Variants in DPYSL5 observed in about 807,000 individuals in gnomAD.
The protein encoded by DPYSL5 is dihydropyrimidinase-related protein 5.
In DPYSL5, 9 loss-of-function variants were observed where a neutral mutation model predicts 58.4. That is an observed-to-expected ratio of 0.15 (90% CI 0.09 to 0.27). The LOEUF is 0.27. Among genes scored for constraint, DPYSL5 ranks in the 10% least tolerant of loss-of-function variants. DPYSL5 has a pLI of 1.00. For synonymous variants in DPYSL5, 293 were observed against 301.9 expected, an observed-to-expected ratio of 0.97 and a Z score of 0.31; for missense variants, 499 against 770.6, an observed-to-expected ratio of 0.65 and a Z score of 4.17.
chr2:26,885,631 A>G (rs1663698406), intron 1 of DPYSL5, among the ~76,000 whole-genome samples: 1 of 152,188 alleles, frequency 6.6e-6, no homozygotes, highest in Admixed American at 6.5e-5. Context: ...GTGGCTGTGG[A>G]CAAGGACCCA....
chr2:26,899,592 A>T (rs946246437), intron 2 of DPYSL5, among the ~76,000 whole-genome samples: 2 of 152,094 alleles, frequency 1.3e-5, no homozygotes, highest in African/African-American at 4.8e-5. Context: ...GCTGTCCCGT[A>T]AGTGTGCAGG....
intron 8 of DPYSL5, 44 bp from the exon 9 acceptor site, chr2:26,939,987 T>C: frequency 6.2e-7 from 1 of 1,612,032 alleles, no homozygotes; most frequent in Non-Finnish European, 8.5e-7. Context: ...TCTAAGTTCC[T>C]CACCTCCCCT....
At chr2:26,872,190 G>C (rs1047590460) in intron 1 of DPYSL5, among the ~76,000 whole-genome samples, 1 of 152,226 alleles carries the variant, frequency 6.6e-6, no homozygotes, top group Non-Finnish European at 1.5e-5. Flanking sequence ...AGAGCAGGGA[G>C]CATGAGTCTG....
At chr2:26,890,278 G>A (rs955356990) in intron 1 of DPYSL5, among the ~76,000 whole-genome samples, 2 of 152,194 alleles carry the variant, frequency 1.3e-5, no homozygotes, top group Non-Finnish European at 2.9e-5. Context: ...AGCAGGGCCT[G>A]TGGTTTTTTC....
At position 26,934,698 on chromosome 2, in the gene DPYSL5, C is replaced by G. The variant is rs752166244; in HGVS notation, c.911C>G (p.Thr304Ser). The G allele has an allele frequency of 6.2e-7, 1 of 1,614,178 alleles. No individual in the cohort carries two copies. Residue 304 changes from threonine to serine, a missense_variant, in exon 8 of 13, where the codon ACC becomes AGC. Thr to Ser is a moderately conservative substitution (Grantham distance 58). Coordinates refer to ENST00000288699, the MANE Select transcript of DPYSL5 (RefSeq NM_020134.4). This position sits in a 1 kb window ranked among gnomAD's most constrained non-coding sequence, Gnocchi z 4.3. ...YVTVPPLRLD[T>S]NTSTYLMSLL... ...ACGGTGCCTCCCCTGAGACTGGACA[C>G]CAACACCTCAACCTACCTCATGAGC...
chr2:26,942,739 CAG>C lies in DPYSL5; in HGVS notation c.1437_1438del (p.Lys480AspfsTer5), dbSNP rs1558357073. 2 of 1,613,838 alleles carry C rather than the reference CAG, an allele frequency of 1.2e-6. No homozygotes were observed. The highest frequency in any genetic ancestry group is 1.7e-6 in the Non-Finnish European group (2 of 1,179,854). On this transcript the variant is annotated frameshift_variant, in exon 11 of 13. Coordinates refer to ENST00000288699, the MANE Select transcript of DPYSL5 (RefSeq NM_020134.4). LOFTEE classifies it high-confidence loss of function. The surrounding 1 kb of genome is among the most constrained non-coding windows in gnomAD (Gnocchi z 5.9). ...AGACACTGTCTACAAGAAGCTGGTC[CAG>C]AGAGAGAAGGTGAGGTGGGAGGAGG... Reference protein sequence around the residue: ...FPDTVYKKLVQREKTLKVRGV... With the variant: ...FPDTVYKKLVXREKTLKVRGV...
Position 26,947,299 on chromosome 2 carries a change from C to A in DPYSL5, c.*304C>A. The A allele has an allele frequency of 3.7e-6, 1 of 271,288 alleles. No individual in the cohort carries two copies. The highest frequency in any genetic ancestry group is 7.1e-6 in the Non-Finnish European group (1 of 141,050). The allele number at this position is 271,288 out of a possible 1,614,324, so 16.8% of individuals were successfully genotyped here. A position where few individuals can be genotyped will look rare whatever the true frequency, so the allele number is the denominator to read the frequency against. On this transcript the variant is annotated 3_prime_UTR_variant, in exon 13 of 13. Coordinates refer to ENST00000288699, the MANE Select transcript of DPYSL5 (RefSeq NM_020134.4). The surrounding 1 kb of genome is among the most constrained non-coding windows in gnomAD (Gnocchi z 4.2). ...CCAATGCATAGAGCCCTGGCCAGCC[C>A]TTCCTCTCACTCCTGCCTCCGCTGG...
In DPYSL5 at chr2:26,855,702, T is replaced by C. The variant is rs142219850; in HGVS notation, c.-5+7448T>C. Reference sequence around the variant, plus strand: ...GTCCATTTCTAAGCTGCCCCTTTGTTGATTTCAAATCCGCCATGGGCTGAC... The same window carrying C: ...GTCCATTTCTAAGCTGCCCCTTTGTCGATTTCAAATCCGCCATGGGCTGAC... On this transcript the variant is annotated intron_variant, in intron 1 of 12. Coordinates refer to ENST00000288699, the MANE Select transcript of DPYSL5 (RefSeq NM_020134.4). Among the ~76,000 whole-genome samples the C allele has an allele frequency of 7.5e-4, 114 of 152,284 alleles. 1 individual carries two copies. The highest frequency in any genetic ancestry group is 1.4e-3 in the Non-Finnish European group (93 of 68,012).
chr2:26,932,075 AAGAAAGAAAAG>A (rs1219507241), intron 6 of DPYSL5, among the ~76,000 whole-genome samples: 4 of 111,010 alleles, frequency 3.6e-5, no homozygotes, highest in African/African-American at 1.4e-4. Context: ...GAAAGAAAGA[AAGAAAGAAAAG>A]AAAAAAGAAA....
chr2:26,895,654 A>T (rs192793205), intron 1 of DPYSL5, among the ~76,000 whole-genome samples: 9 of 152,226 alleles, frequency 5.9e-5, no homozygotes, highest in Non-Finnish European at 1.5e-5. Context: ...ATGTTGTACA[A>T]TAGAGCTCTT....
chr2:26,852,444 G>T (rs914877751), intron 1 of DPYSL5, among the ~76,000 whole-genome samples: 1 of 152,160 alleles, frequency 6.6e-6, no homozygotes, highest in Admixed American at 6.5e-5. Context: ...TTGAACAAAA[G>T]AAATTCAGGG....
rs757001313 is a variant in DPYSL5, at chr2:26,932,216, G to GAAAAGA, written c.714+535_714+536insAGAAAA. On this transcript the variant is annotated intron_variant, in intron 6 of 12. Coordinates refer to ENST00000288699, the MANE Select transcript of DPYSL5 (RefSeq NM_020134.4). ...GAAAGAAAGAAAGAAAGAAAAGAAA[G>GAAAAGA]AAAGAAAGAAAGAAAGAAAACCAAC... 5.0e-4 allele frequency among the ~76,000 whole-genome samples: 69 copies of GAAAAGA among 138,540 alleles called. 1 individual carries two copies. Among genetic ancestry groups the GAAAAGA allele is most frequent in the Non-Finnish European group, 7.4e-4 (46 of 62,542 alleles). The allele number at this position is 138,540 out of a possible 152,430, so 90.9% of individuals were successfully genotyped here. A position where few individuals can be genotyped will look rare whatever the true frequency, so the allele number is the denominator to read the frequency against.
chr2:26,889,562 G>A (rs1395052156), intron 1 of DPYSL5, among the ~76,000 whole-genome samples: 2 of 151,890 alleles, frequency 1.3e-5, no homozygotes, highest in East Asian at 1.9e-4. Flanking sequence ...GAGCCACCGC[G>A]CCCGGCCTGG....
Position 26,934,719 on chromosome 2 carries a change from T to C in DPYSL5, c.932T>C (p.Met311Thr). The C allele has an allele frequency of 3.7e-6, 6 of 1,614,120 alleles. No homozygotes were observed. The highest frequency in any genetic ancestry group is 5.1e-6 in the Non-Finnish European group (6 of 1,180,006). ...GACACCAACACCTCAACCTACCTCA[T>C]GAGCCTGCTGGCCAAGTAAGGCGTT... is the stretch of plus-strand genomic sequence containing the variant. ...RLDTNTSTYL[M>T]SLLANDTLNI... Residue 311 changes from methionine to threonine, a missense_variant, in exon 8 of 13, where the codon ATG becomes ACG. By Grantham distance (81) the Met-to-Thr change is moderately conservative (BLOSUM62 -1). Coordinates refer to ENST00000288699, the MANE Select transcript of DPYSL5 (RefSeq NM_020134.4). This position sits in a 1 kb window ranked among gnomAD's most constrained non-coding sequence, Gnocchi z 4.3.
Position 26,948,861 on chromosome 2 carries a change from A to C in DPYSL5, c.*1866A>C, listed in dbSNP as rs774399761. The C allele has an allele frequency of 2.0e-5, 3 of 152,372 alleles. No individual in the cohort carries two copies. The highest frequency in any genetic ancestry group is 4.4e-5 in the Non-Finnish European group (3 of 68,272). The allele number at this position is 152,372 out of a possible 1,614,324, so 9.4% of individuals were successfully genotyped here. ...GACAGAGTGAGACTCCATCTCAAAA[A>C]ACAGACAAACAAAAAAGTCAGCCCC... On this transcript the variant is annotated 3_prime_UTR_variant, in exon 13 of 13. Transcript: ENST00000288699.
chr2:26,903,388 G>C (rs1664210008), intron 2 of DPYSL5, among the ~76,000 whole-genome samples: 1 of 152,176 alleles, frequency 6.6e-6, no homozygotes. Context: ...AAATGGTCCT[G>C]AATTCTTTCT....
At chr2:26,923,193 C>T (rs1664745406) in intron 2 of DPYSL5, among the ~76,000 whole-genome samples, 3 of 152,186 alleles carry the variant, frequency 2.0e-5, no homozygotes, top group Admixed American at 6.5e-5. Flanking sequence ...TGGCTGGGTG[C>T]AGTGGTTCAT....
chr2:26,917,684 G>A (rs1664601651), intron 2 of DPYSL5, among the ~76,000 whole-genome samples: 1 of 152,198 alleles, frequency 6.6e-6, no homozygotes, highest in Non-Finnish European at 1.5e-5. Flanking sequence ...ATGAAGCCCA[G>A]TGTAAGGCCT....
Position 26,928,328 on chromosome 2 carries a change from GA to G in DPYSL5, c.669+8del. 5 of 1,613,720 alleles carry G rather than the reference GA, an allele frequency of 3.1e-6. No homozygotes were observed. Among genetic ancestry groups the G allele is most frequent in the Non-Finnish European group, 4.2e-6 (5 of 1,179,788 alleles). On this transcript the variant is annotated splice_donor_region_variant and intron_variant, in intron 5 of 12. Coordinates refer to ENST00000288699, the MANE Select transcript of DPYSL5 (RefSeq NM_020134.4). ...GAGATCAGCCGTCCAGAGGAGGTGAGAAACACTTCCTGTAGCCTTTGTCAGC... is the reference window on the plus strand; with the variant it reads ...GAGATCAGCCGTCCAGAGGAGGTGAGAACACTTCCTGTAGCCTTTGTCAGC...
Sources: gnomAD v4.1 joint callset for allele counts (sites outside exome capture counted in the v4.1 genomes callset) on GRCh38, gnomAD v4.1.1 for gene constraint, Gnocchi (gnomAD v3.1) non-coding constraint, MANE v1.5 for transcripts, NCBI Gene and HGNC (gene_info 2026-07-23, HGNC 2026-07-21) for gene names.